MOV10L1: variants seen among roughly 807,000 people sequenced by gnomAD.
MOV10L1 encodes RNA helicase Mov10l1.
MOV10L1 carries 110 observed loss-of-function variants against 143.8 expected under a neutral mutation model. The ratio of observed to expected loss-of-function variants is 0.76; its 90% CI spans 0.66 to 0.90. The LOEUF (loss-of-function observed/expected upper bound fraction) is 0.90, where lower values mean the gene tolerates loss of function less well. Ranked by LOEUF, MOV10L1 falls within the 40% of genes least tolerant of loss-of-function variation. The pLI, the probability that MOV10L1 is intolerant of heterozygous loss-of-function variation, is 0.00. For missense variants in MOV10L1, 1,406 were observed against 1,526.8 expected (o/e 0.92, Z 1.32); for synonymous variants, 593 against 581.1 (o/e 1.02, Z -0.29).
In MOV10L1 at chr22:50,149,690, G is replaced by A. The variant is rs1452245069; in HGVS notation, c.2703G>A (p.Gly901=). ...ASEPECLIPL[G]LMSDISGQIV... ...AGCCGGAATGCCTCATTCCTCTGGGGCTGATGTCGGACATCAGTGGCCAGG... is the reference window on the plus strand; with the variant it reads ...AGCCGGAATGCCTCATTCCTCTGGGACTGATGTCGGACATCAGTGGCCAGG... The change falls in exon 20 of 27, where the codon GGG becomes GGA. Residue 901 remains glycine (G), a synonymous_variant. Transcript: ENST00000262794. 6.2e-7 allele frequency: 1 copy of A among 1,613,890 alleles called. No individual in the cohort carries two copies. Among genetic ancestry groups the A allele is most frequent in the Non-Finnish European group, 8.5e-7 (1 of 1,179,850 alleles).
chr22:50,120,307 GT>G (rs2062302458), intron 9 of MOV10L1, among the ~76,000 whole-genome samples, 194 bp from the exon 10 acceptor site: 2 of 152,180 alleles, frequency 1.3e-5, no homozygotes, highest in African/African-American at 4.8e-5. Flanking sequence ...TGTGGGAACT[GT>G]TTGAGGAAAG....
At position 50,136,765 on chromosome 22, in the gene MOV10L1, T is replaced by G. The variant is rs148706460; in HGVS notation, c.2070+2135T>G. 5.8e-3 allele frequency among the ~76,000 whole-genome samples: 888 copies of G among 152,236 alleles called. 7 individuals are homozygous for G. Among genetic ancestry groups the G allele is most frequent in the Non-Finnish European group, 9.6e-3 (655 of 68,004 alleles). On this transcript the variant is annotated intron_variant, in intron 15 of 26. Coordinates refer to ENST00000262794, the MANE Select transcript of MOV10L1 (RefSeq NM_018995.3). ...CACCTACAGAGATTCCTTCTTGAGT[T>G]TTCAGCTGAGCATTGATCAGTGCAT...
chr22:50,119,183 C>T (rs763017768), intron 9 of MOV10L1, among the ~76,000 whole-genome samples: 1 of 152,152 alleles, frequency 6.6e-6, no homozygotes, highest in African/African-American at 2.4e-5. Flanking sequence ...AGTTACTTCC[C>T]CGTGAATATT....
chr22:50,125,954 A>ATT (rs35391790), intron 11 of MOV10L1, among the ~76,000 whole-genome samples: 39 of 146,082 alleles, frequency 2.7e-4, no homozygotes, highest in Middle Eastern at 3.5e-3. Flanking sequence ...CACCCGGCTG[A>ATT]TTTTTTTTTT....
intron 10 of MOV10L1, among the ~76,000 whole-genome samples, chr22:50,122,983 C>T (rs2062393672): frequency 6.6e-6 from 1 of 151,924 alleles, no homozygotes; most frequent in Non-Finnish European, 1.5e-5. Flanking sequence ...TGGGTGTGAG[C>T]CACCACACCC....
intron 3 of MOV10L1, 36 bp from the exon 4 acceptor site, chr22:50,108,100 T>C: frequency 3.8e-6 from 6 of 1,593,072 alleles, no homozygotes; most frequent in Non-Finnish European, 5.2e-6. Context: ...CTTGTGCACT[T>C]TAACACTACC....
intron 3 of MOV10L1, among the ~76,000 whole-genome samples, chr22:50,104,827 C>T (rs2061829042): frequency 6.6e-6 from 1 of 151,104 alleles, no homozygotes; most frequent in South Asian, 2.1e-4. Flanking sequence ...GTGTCGTCTT[C>T]AAAGTTGCAT....
Position 50,142,175 on chromosome 22 carries a change from A to T in MOV10L1, c.2165A>T (p.Glu722Val). The change falls in exon 16 of 27, where the codon GAG (glutamate) becomes GTG (valine). Residue 722 changes from glutamate (E) to valine (V), a missense_variant. By Grantham distance (121) the Glu-to-Val change is moderately radical (BLOSUM62 -2). Around this residue, in one of 3 missense-constraint regions of MOV10L1, gnomAD observed 1,233 missense variants for 1,351.4 expected, o/e 0.91. Transcript: ENST00000262794. ...CCGGTGCTGGCACCCTTTACTGCAG[A>T]GATGAGCGATTGGGGTATGTGCTCA... The part of the protein sequence containing the change: ...DLPVLAPFTA[E>V]MSDWVDEIQT... 1 of 1,612,622 alleles carries T rather than the reference A, an allele frequency of 6.2e-7. No individual in the cohort carries two copies. Among genetic ancestry groups the T allele is most frequent in the Non-Finnish European group, 8.5e-7 (1 of 1,179,302 alleles).
rs527381964 is a variant in MOV10L1, at chr22:50,091,646, T to C, written c.98-355T>C. On this transcript the variant is annotated intron_variant, in intron 1 of 26. Coordinates refer to ENST00000262794, the MANE Select transcript of MOV10L1 (RefSeq NM_018995.3). ...CTTGGGTAGTGACGATTAGTCTCCA[T>C]CTTACAGATGGCAACAGGCCCAGAG... Among the ~76,000 whole-genome samples, 6 of 152,264 alleles carry C rather than the reference T, an allele frequency of 3.9e-5. No homozygotes were observed. In the East Asian group the frequency reaches 9.7e-4, roughly 24 times the overall value.
chr22:50,106,348 T>TTA (rs2061866224), intron 3 of MOV10L1, among the ~76,000 whole-genome samples: 2 of 149,028 alleles, frequency 1.3e-5, no homozygotes, highest in African/African-American at 2.5e-5. Flanking sequence ...TTTTTTTTTT[T>TTA]AGAGATGGGA....
At position 50,158,258 on chromosome 22, in the gene MOV10L1, C is replaced by G. The variant is rs759724107; in HGVS notation, c.3216+52C>G. On this transcript the variant is annotated intron_variant, in intron 23 of 26. Transcript: ENST00000262794. The surrounding 1 kb of genome is among the most constrained non-coding windows in gnomAD (Gnocchi z 5.0). ...TCTGTGAGGTCCCTGCAGCCCTGCT[C>G]CTTGGCTCCTGCAGCTCCACAGAGG... is the stretch of plus-strand genomic sequence containing the variant. 1.9e-6 allele frequency: 3 copies of G among 1,605,016 alleles called. No individual in the cohort carries two copies. Among genetic ancestry groups the G allele is most frequent in the Non-Finnish European group, 2.6e-6 (3 of 1,174,410 alleles).
At chr22:50,157,138 C>T (rs2063446714) in intron 22 of MOV10L1, among the ~76,000 whole-genome samples, 1 of 152,140 alleles carries the variant, frequency 6.6e-6, no homozygotes, top group Non-Finnish European at 1.5e-5. Context: ...TACCTGTTGG[C>T]CATTTGTATG....
chr22:50,091,749 G>A (rs949983075), intron 1 of MOV10L1, among the ~76,000 whole-genome samples: 1 of 152,164 alleles, frequency 6.6e-6, no homozygotes, highest in Admixed American at 6.5e-5. Flanking sequence ...CTGTTGTGGA[G>A]TCAGGGCTGT....
chr22:50,121,710 T>C (rs2062351695), intron 10 of MOV10L1, among the ~76,000 whole-genome samples: 2 of 152,186 alleles, frequency 1.3e-5, no homozygotes, highest in Admixed American at 1.3e-4. Context: ...CTGGGTCTGC[T>C]AGGATGGAGA....
intron 22 of MOV10L1, among the ~76,000 whole-genome samples, chr22:50,156,823 A>G (rs1382106944): frequency 6.6e-6 from 1 of 152,240 alleles, no homozygotes; most frequent in Non-Finnish European, 1.5e-5. Flanking sequence ...TAGTGCTGCT[A>G]CAACGGGTGT....
intron 13 of MOV10L1, among the ~76,000 whole-genome samples, chr22:50,131,998 C>T (rs567112798): frequency 9.9e-5 from 15 of 152,280 alleles, no homozygotes; most frequent in East Asian, 3.9e-4. Flanking sequence ...GGTTCGTAGG[C>T]GGCTGTCTTT....
At chr22:50,151,009 A>C (rs2063286551) in intron 21 of MOV10L1, 110 bp downstream of exon 21, 1 of 1,412,854 alleles carries the variant, frequency 7.1e-7, no homozygotes, top group African/African-American at 1.4e-5. Flanking sequence ...ATCCGTGGGC[A>C]GAGTGCAGGG....
intron 8 of MOV10L1, among the ~76,000 whole-genome samples, chr22:50,116,714 G>A (rs939869867): frequency 7.3e-6 from 1 of 137,160 alleles, no homozygotes; most frequent in African/African-American, 2.7e-5. Flanking sequence ...TGCCCAGGCT[G>A]GAGTGCAGAG....
rs777060881 is a variant in MOV10L1 at position 50,144,200 on chromosome 22, C to T, written c.2462C>T (p.Pro821Leu). 40 of 1,611,178 alleles carry T rather than the reference C, an allele frequency of 2.5e-5. 2 individuals are homozygous for T. Among genetic ancestry groups the T allele is most frequent in the Middle Eastern group, 3.3e-4 (2 of 6,074 alleles). The part of the protein sequence containing the change: ...LRLHESKVLQ[P>L]ATMVRVNATC... ...CTGCACGAGAGCAAGGTGCTACAGC[C>T]GGCCACCATGGTCCGGGTGAACGCC... Residue 821 changes from proline to leucine, a missense_variant, in exon 18 of 27, where the codon CCG becomes CTG. Physicochemically the swap from Pro to Leu is moderately conservative, Grantham distance 98. Transcript: ENST00000262794.
Sources: allele counts gnomAD v4.1 joint callset (sites outside exome capture counted in the v4.1 genomes callset), GRCh38; gene constraint gnomAD v4.1.1; regional missense constraint gnomAD v4.1.1; non-coding constraint Gnocchi (gnomAD v3.1); transcripts MANE v1.5; gene names NCBI Gene and HGNC (gene_info 2026-07-23, HGNC 2026-07-21).